ZNF267: variants seen among roughly 807,000 people sequenced by gnomAD.
The protein encoded by ZNF267 is zinc finger (C2H2).
Under a neutral mutation model 71.6 loss-of-function variants are expected in ZNF267, and 61 were observed. That is an observed-to-expected ratio of 0.85 (90% CI 0.69 to 1.05). The LOEUF is 1.05. Ranked by LOEUF, ZNF267 falls within the 50% of genes least tolerant of loss-of-function variation. The pLI, the probability that ZNF267 is intolerant of heterozygous loss-of-function variation, is 0.00. For synonymous variants in ZNF267, 288 were observed against 293.2 expected (o/e 0.98, Z 0.18); for missense variants, 852 against 870.0 (o/e 0.98, Z 0.26).
chr16:31,915,867 A>G lies in ZNF267; in HGVS notation c.1618A>G (p.Arg540Gly), dbSNP rs373938717. The part of the protein sequence containing the change: ...TCFSNLIVHE[R>G]IHTGEKPYKC... ...TTTCTCAAATCTTATTGTGCATGAG[A>G]GAATTCATACTGGAGAGAAACCCTA... Residue 540 changes from arginine (R) to glycine (G), a missense_variant, in exon 4 of 4, where the codon AGA (arginine) becomes GGA (glycine). Transcript: ENST00000300870. 1.2e-6 allele frequency: 2 copies of G among 1,613,628 alleles called. No homozygotes were observed. The highest frequency in any genetic ancestry group is 1.7e-6 in the Non-Finnish European group (2 of 1,180,014).
chr16:31,888,290 TTCAAA>T (rs1170059286), intron 3 of ZNF267, among the ~76,000 whole-genome samples: 1 of 152,064 alleles, frequency 6.6e-6, no homozygotes, highest in African/African-American at 2.4e-5. Flanking sequence ...TTTCTGTATC[TTCAAA>T]TCACTTCATC....
At position 31,914,625 on chromosome 16, in the gene ZNF267, A is replaced by C; in HGVS notation, c.376A>C (p.Asn126His). 6.2e-7 allele frequency: 1 copy of C among 1,614,134 alleles called. No homozygotes were observed. The highest frequency in any genetic ancestry group is 8.5e-7 in the Non-Finnish European group (1 of 1,180,010). ...GAAAAGGGAGGAGTGTGAAGGGCAC[A>C]ATGGATGTTATGATGAAAAGACTTT... ...RWKREECEGH[N>H]GCYDEKTFKY... is the part of the protein sequence containing the mutation. Residue 126 changes from asparagine (N) to histidine (H), a missense_variant, in exon 4 of 4, where the codon AAT (asparagine) becomes CAT (histidine). Physicochemically the swap from Asn to His is moderately conservative, Grantham distance 68. Coordinates refer to ENST00000300870, the MANE Select transcript of ZNF267 (RefSeq NM_003414.6).
chr16:31,906,398 G>A (rs1202450599), intron 3 of ZNF267, among the ~76,000 whole-genome samples: 2 of 152,166 alleles, frequency 1.3e-5, no homozygotes, highest in Non-Finnish European at 2.9e-5. Context: ...AGGCAGGCAG[G>A]CCTCCTTGAG....
chr16:31,900,774 T>TA lies in ZNF267; in HGVS notation c.227-13700dup, dbSNP rs57481229. On this transcript the variant is annotated intron_variant, in intron 3 of 3. Transcript: ENST00000300870. Reference sequence around the variant, plus strand: ...AATTCTTTCTTTTTTTTTTTTTTTTTAATTTTTAACTTATTTTTATTTTTT... The same window carrying TA: ...AATTCTTTCTTTTTTTTTTTTTTTTTAAATTTTTAACTTATTTTTATTTTTT... 2.0e-4 allele frequency among the ~76,000 whole-genome samples: 30 copies of TA among 148,772 alleles called. No individual in the cohort carries two copies. The South Asian group carries it at 4.0e-3, about 20-fold the overall frequency.
intron 3 of ZNF267, among the ~76,000 whole-genome samples, chr16:31,907,506 T>C (rs1433782067): frequency 2.0e-5 from 3 of 152,226 alleles, no homozygotes; most frequent in African/African-American, 7.2e-5. Flanking sequence ...TATTTTTACC[T>C]CCACACTTTG....
chr16:31,905,449 A>T (rs1333406801), intron 3 of ZNF267, among the ~76,000 whole-genome samples: 1 of 151,986 alleles, frequency 6.6e-6, no homozygotes, highest in African/African-American at 2.4e-5. Context: ...TGGTCTTTTC[A>T]CATAATCCCA....
chr16:31,900,757 C>CTTTTTTTTT (rs35863544), intron 3 of ZNF267, among the ~76,000 whole-genome samples: 3 of 129,630 alleles, frequency 2.3e-5, no homozygotes, highest in Admixed American at 7.5e-5. Flanking sequence ...AGAATTCTTT[C>CTTTTTTTTT]TTTTTTTTTT....
chr16:31,874,154 G>GGACCCCGCGTGTCCTGTCCCATCCC (rs1454508204), intron 1 of ZNF267, 185 bp downstream of exon 1: 13 of 633,160 alleles, frequency 2.1e-5, no homozygotes, highest in African/African-American at 1.9e-4. Context: ...CCGGCAGCCG[G>GGACCCCGCGTGTCCTGTCCCATCCC]GACCCCGCGT....
chr16:31,911,185 A>G (rs900633119), intron 3 of ZNF267, among the ~76,000 whole-genome samples: 2 of 151,652 alleles, frequency 1.3e-5, no homozygotes, highest in African/African-American at 4.9e-5. Flanking sequence ...GCAAATATTT[A>G]TTAGGTATAT....
chr16:31,904,898 T>C (rs2084075290), intron 3 of ZNF267, among the ~76,000 whole-genome samples: 2 of 152,246 alleles, frequency 1.3e-5, no homozygotes, highest in African/African-American at 4.8e-5. Flanking sequence ...CTTTACAGTT[T>C]GGCATGTTTT....
chr16:31,911,543 T>C (rs1342411644), intron 3 of ZNF267, among the ~76,000 whole-genome samples: 1 of 151,658 alleles, frequency 6.6e-6, no homozygotes, highest in African/African-American at 2.4e-5. Flanking sequence ...TTTTTCAGTC[T>C]ATGTGTATCT....
rs1178700348 is a variant in ZNF267, at chr16:31,914,870, A to C, written c.621A>C (p.Arg207=). ...FRQVSTLNSY[R]NVFIGEKNYH... is the part of the protein sequence containing the mutation. The stretch of plus-strand genomic sequence containing the variant: ...AGGTCTCTACTCTAAATAGTTACCG[A>C]AATGTTTTTATTGGAGAGAAAAATT... The change falls in exon 4 of 4, where the codon CGA becomes CGC. Residue 207 remains arginine, a synonymous_variant. Transcript: ENST00000300870. The C allele has an allele frequency of 6.2e-7, 1 of 1,611,902 alleles. No homozygotes were observed. The highest frequency in any genetic ancestry group is 1.7e-5 in the Admixed American group (1 of 59,614).
intron 3 of ZNF267, among the ~76,000 whole-genome samples, chr16:31,893,448 A>G (rs2083975122): frequency 6.6e-6 from 1 of 152,336 alleles, no homozygotes; most frequent in East Asian, 1.9e-4. Context: ...ACTTATGGAA[A>G]TATCTGCAGC....
At chr16:31,897,476 CTT>C (rs1158760871) in intron 3 of ZNF267, among the ~76,000 whole-genome samples, 1 of 152,038 alleles carries the variant, frequency 6.6e-6, no homozygotes, top group Non-Finnish European at 1.5e-5. Flanking sequence ...ACTTGTCTGT[CTT>C]TGAGTACCAC....
chr16:31,908,393 C>G (rs984909185), intron 3 of ZNF267, among the ~76,000 whole-genome samples: 1 of 152,092 alleles, frequency 6.6e-6, no homozygotes, highest in Non-Finnish European at 1.5e-5. Context: ...TGTCCAGGTG[C>G]TTTTTAACTT....
rs370805045 is a variant in ZNF267 at position 31,915,181 on chromosome 16, G to C, written c.932G>C (p.Arg311Thr). ...DKDLSQSSNL[R>T]KQIIHNEEKP... ...GATCTTAGTCAGTCATCAAATCTTA[G>C]AAAGCAGATAATCCATAATGAAGAG... Residue 311 changes from arginine (R) to threonine (T), a missense_variant, in exon 4 of 4, where the codon AGA becomes ACA. Physicochemically the swap from Arg to Thr is moderately conservative, Grantham distance 71 (BLOSUM62 -1). Coordinates refer to ENST00000300870, the MANE Select transcript of ZNF267 (RefSeq NM_003414.6). The C allele has an allele frequency of 2.9e-5, 47 of 1,612,838 alleles. No homozygotes were observed. Among genetic ancestry groups the C allele is most frequent in the Non-Finnish European group, 3.6e-5 (43 of 1,179,682 alleles).
rs147669389 is a variant in ZNF267 at position 31,912,603 on chromosome 16, C to T, written c.227-1873C>T. 91 of 151,716 alleles carry T rather than the reference C, an allele frequency of 6.0e-4. 1 individual carries two copies. The East Asian group carries it at 8.9e-3, about 15-fold the overall frequency. The allele number at this position is 151,716 out of a possible 1,614,324, so 9.4% of individuals were successfully genotyped here. A position where few individuals can be genotyped will look rare whatever the true frequency, so the allele number is the denominator to read the frequency against. On this transcript the variant is annotated intron_variant, in intron 3 of 3. Coordinates refer to ENST00000300870, the MANE Select transcript of ZNF267 (RefSeq NM_003414.6). ...TTATAGATTTGGGAAGTTCTCTGAT[C>T]GTATTCTTGAAACTTTCTACCCCTG...
In ZNF267 at chr16:31,911,634, A is replaced by G. The variant is rs996659705; in HGVS notation, c.227-2842A>G. On this transcript the variant is annotated intron_variant, in intron 3 of 3. Coordinates refer to ENST00000300870, the MANE Select transcript of ZNF267 (RefSeq NM_003414.6). ...TTTTTTCACCCATTCTATGTCATCTAATTGGAGTGTTTAGTGCATTTCCAT... is the reference window on the plus strand; with the variant it reads ...TTTTTTCACCCATTCTATGTCATCTGATTGGAGTGTTTAGTGCATTTCCAT... Among the ~76,000 whole-genome samples the G allele has an allele frequency of 1.6e-4, 24 of 151,214 alleles. 3 individuals carry two copies. Among genetic ancestry groups the G allele is most frequent in the African/African-American group, 5.9e-4 (24 of 40,790 alleles).
At chr16:31,876,355 A>T (rs1421426915) in intron 1 of ZNF267, among the ~76,000 whole-genome samples, 1 of 151,920 alleles carries the variant, frequency 6.6e-6, no homozygotes, top group Non-Finnish European at 1.5e-5. Flanking sequence ...TGGGACTTAC[A>T]GGGGTGCTGC....
Sources: gnomAD v4.1 joint callset for allele counts (sites outside exome capture counted in the v4.1 genomes callset) on GRCh38, gnomAD v4.1.1 for gene constraint, MANE v1.5 for transcripts, NCBI Gene and HGNC (gene_info 2026-07-23, HGNC 2026-07-21) for gene names.